FANCD2: variants seen among roughly 807,000 people sequenced by gnomAD.
The protein encoded by FANCD2 is FA complementation group D2, also known as Fanconi anemia group D2 protein.
FANCD2 carries 131 observed loss-of-function variants against 192.3 expected under a neutral mutation model. The observed-to-expected ratio is 0.68, with a 90% confidence interval of 0.59 to 0.79. FANCD2 has a LOEUF of 0.79. Among genes scored for constraint, FANCD2 ranks in the 30% least tolerant of loss-of-function variants. The probability of loss-of-function intolerance (pLI) is 0.00; values close to 1 mark genes in which losing one functional copy is unlikely to be tolerated. For missense variants in FANCD2, 1,508 were observed against 1,701.6 expected, an observed-to-expected ratio of 0.89 and a Z score of 2.00; for synonymous variants, 524 against 612.5, an observed-to-expected ratio of 0.86 and a Z score of 2.13.
Position 10,101,246 on chromosome 3 carries a change from A to G in FANCD2, c.4340A>G (p.Tyr1447Cys). ...AAGGAGCAAGATAGTGATGAGAGTT[A>G]TGATGACTCTGATTAGACCCCAGAT... ...GEKEQDSDES[Y>C]DDSD The change falls in exon 44 of 44, where the codon TAT becomes TGT. Residue 1447 changes from tyrosine to cysteine, a missense_variant. Transcript: ENST00000675286. The G allele has an allele frequency of 6.2e-7, 1 of 1,612,454 alleles. No homozygotes were observed. Among genetic ancestry groups the G allele is most frequent in the Non-Finnish European group, 8.5e-7 (1 of 1,178,598 alleles).
rs774421283 is a variant in FANCD2, at chr3:10,090,398, A to G, written c.3777+13A>G. 3 of 1,555,876 alleles carry G rather than the reference A, an allele frequency of 1.9e-6. No homozygotes were observed. In the South Asian group the frequency reaches 3.3e-5, roughly 17 times the overall value. ...AGACTCGCAGCAGGTGAGTAAGATAATAGTCACTTCAAGAAGTGGACTTTG... is the reference window on the plus strand; with the variant it reads ...AGACTCGCAGCAGGTGAGTAAGATAGTAGTCACTTCAAGAAGTGGACTTTG... On this transcript the variant is annotated intron_variant, in intron 37 of 43. Transcript: ENST00000675286.
chr3:10,100,346 G>C (rs562381605), intron 43 of FANCD2, among the ~76,000 whole-genome samples: 1 of 152,108 alleles, frequency 6.6e-6, no homozygotes, highest in African/African-American at 2.4e-5. Context: ...ACAGAATTTT[G>C]TACTGGATTC....
chr3:10,096,784 T>A (rs1694992559), intron 42 of FANCD2, among the ~76,000 whole-genome samples: 1 of 152,094 alleles, frequency 6.6e-6, no homozygotes, highest in South Asian at 2.1e-4. Context: ...CCACTGAGGG[T>A]AGATTCATAA....
At chr3:10,062,947 C>G (rs2087612369) in intron 20 of FANCD2, among the ~76,000 whole-genome samples, 2 of 151,996 alleles carry the variant, frequency 1.3e-5, no homozygotes, top group Admixed American at 6.6e-5. Context: ...GTGATCTGCC[C>G]CCATCAGCCT....
intron 9 of FANCD2, chr3:10,040,051 T>G (rs2086827745): frequency 3.5e-6 from 2 of 566,272 alleles, no homozygotes; most frequent in Non-Finnish European, 6.0e-6. Context: ...TTTTTTTTTT[T>G]TCTGAGACAG....
At position 10,040,620 on chromosome 3, in the gene FANCD2, T is replaced by C. The variant is rs746411923; in HGVS notation, c.695+775T>C. On this transcript the variant is annotated intron_variant, in intron 9 of 43. Transcript: ENST00000675286. ...TGTCATTCATTTGAAAAATAGTAAT[T>C]GGTAGGGAAGTATTGAAGAAGGGGA... 7.4e-4 allele frequency: 338 copies of C among 455,468 alleles called. 1 individual carries two copies. Among genetic ancestry groups the C allele is most frequent in the Non-Finnish European group, 1.1e-3 (244 of 226,564 alleles). 28.2% of individuals were successfully genotyped at this position (455,468 alleles called of 1,614,324 possible).
intron 9 of FANCD2, 114 bp downstream of exon 9, chr3:10,039,959 C>A (rs2086824310): frequency 1.6e-6 from 2 of 1,220,026 alleles, no homozygotes; most frequent in South Asian, 1.3e-5. Flanking sequence ...GAGGATGATA[C>A]CCCCCTTCAT....
intron 29 of FANCD2, among the ~76,000 whole-genome samples, chr3:10,076,187 G>A (rs997972639): frequency 6.6e-5 from 10 of 151,924 alleles, no homozygotes; most frequent in African/African-American, 2.4e-4. Context: ...TCACTCTGGG[G>A]TCCTGCCCAG....
At position 10,042,610 on chromosome 3, in the gene FANCD2, C is replaced by G. The variant is rs2124991325; in HGVS notation, c.835C>G (p.Pro279Ala). The G allele has an allele frequency of 1.9e-6, 3 of 1,614,036 alleles. No individual in the cohort carries two copies. Among genetic ancestry groups the G allele is most frequent in the Non-Finnish European group, 2.5e-6 (3 of 1,179,972 alleles). ...GTCGTCTATTAGATTGGAGGATTTA[C>G]CTGTGATAATAAAGTTCATTCTTCA... ...KLSSIRLEDLPVIIKFILHSV... is the reference protein window; with the variant it reads ...KLSSIRLEDLAVIIKFILHSV... Residue 279 changes from proline (P) to alanine (A), a missense_variant, in exon 11 of 44, where the codon CCT becomes GCT. Coordinates refer to ENST00000675286, the MANE Select transcript of FANCD2 (RefSeq NM_001018115.3).
intron 18 of FANCD2, among the ~76,000 whole-genome samples, chr3:10,054,695 G>T (rs1438175877): frequency 6.7e-6 from 1 of 150,262 alleles, no homozygotes; most frequent in African/African-American, 2.5e-5. Context: ...GTGTTAGCCA[G>T]GATGGTCTTG....
chr3:10,063,715 C>T lies in FANCD2; in HGVS notation c.1828-77C>T, dbSNP rs34157687. 9,027 of 1,594,832 alleles carry T rather than the reference C, an allele frequency of 5.7e-3. 453 individuals are homozygous for T. In the African/African-American group the frequency reaches 0.11, roughly 19 times the overall value. On this transcript the variant is annotated intron_variant, in intron 20 of 43. Transcript: ENST00000675286. ...CCAGTAAAATCAGAAAGTGAAAAAA[C>T]AGTCTTGAAAGGGGCGAGTGGAGTT... is the stretch of plus-strand genomic sequence containing the variant.
chr3:10,043,651 G>T, intron 13 of FANCD2, 59 bp downstream of exon 13: 3 of 1,389,946 alleles, frequency 2.2e-6, no homozygotes, highest in Non-Finnish European at 3.1e-6. Flanking sequence ...AGTGACAGAT[G>T]TATAACTGAG....
intron 26 of FANCD2, among the ~76,000 whole-genome samples, chr3:10,071,908 C>T (rs1240366319): frequency 2.0e-5 from 3 of 151,062 alleles, no homozygotes; most frequent in Non-Finnish European, 4.4e-5. Context: ...TAGAAGTGTG[C>T]ACCACCACAC....
At chr3:10,087,532 A>C (rs1694292038) in intron 34 of FANCD2, among the ~76,000 whole-genome samples, 2 of 152,028 alleles carry the variant, frequency 1.3e-5, no homozygotes, top group Non-Finnish European at 2.9e-5. Flanking sequence ...CTTTTCAAAA[A>C]AAAAAAATTT....
At position 10,067,266 on chromosome 3, in the gene FANCD2, C is replaced by T. The variant is rs763185403; in HGVS notation, c.2443C>T (p.Arg815Trp). 2.0e-5 allele frequency: 33 copies of T among 1,613,806 alleles called. No homozygotes were observed. The highest frequency in any genetic ancestry group is 2.7e-5 in the Non-Finnish European group (32 of 1,179,770). The change falls in exon 26 of 44, where the codon CGG becomes TGG. Residue 815 changes from arginine to tryptophan, a missense_variant. Physicochemically the swap from Arg to Trp is moderately radical, Grantham distance 101. Transcript: ENST00000675286. ...SPEMKGKVLT[R>W]LKHIVELQII... ...TGAGATGAAGGGGAAGGTGCTCACT[C>T]GGTTAAAGCACATTGTAGAATTGCA...
At chr3:10,036,019 AATAAG>A (rs966209966) in intron 6 of FANCD2, among the ~76,000 whole-genome samples, 1 of 151,808 alleles carries the variant, frequency 6.6e-6, no homozygotes, top group African/African-American at 2.4e-5. Flanking sequence ...ATATCCTTGT[AATAAG>A]ATATCAACTT....
At chr3:10,027,760 C>A (rs2086489481) in intron 1 of FANCD2, among the ~76,000 whole-genome samples, 1 of 151,748 alleles carries the variant, frequency 6.6e-6, no homozygotes, top group African/African-American at 2.4e-5. Flanking sequence ...AAAAAATTAG[C>A]CGGGCGTGGT....
At chr3:10,058,613 A>G (rs974324677) in intron 18 of FANCD2, among the ~76,000 whole-genome samples, 4 of 152,184 alleles carry the variant, frequency 2.6e-5, no homozygotes, top group Non-Finnish European at 5.9e-5. Context: ...TCCTTTCACC[A>G]TTGAAATTAC....
chr3:10,072,334 G>C (rs1693300279), intron 26 of FANCD2, among the ~76,000 whole-genome samples: 1 of 147,986 alleles, frequency 6.8e-6, no homozygotes, highest in African/African-American at 2.5e-5. Flanking sequence ...GCTGGAGTGT[G>C]GTGGTGCGAT....
Sources: gnomAD v4.1 joint callset for allele counts (sites outside exome capture counted in the v4.1 genomes callset) on GRCh38, gnomAD v4.1.1 for gene constraint, MANE v1.5 for transcripts, NCBI Gene and HGNC (gene_info 2026-07-23, HGNC 2026-07-21) for gene names.